GRM7: variants seen among roughly 807,000 people sequenced by gnomAD.
GRM7 encodes the protein glutamate metabotropic receptor 7, also known as metabotropic glutamate receptor 7.
A neutral mutation model predicts 84.5 loss-of-function variants in GRM7; 35 were observed. That is an observed-to-expected ratio of 0.41 (90% CI 0.32 to 0.55). The LOEUF (loss-of-function observed/expected upper bound fraction) is 0.55. GRM7 is among the 20% of genes least tolerant of loss of function. The pLI, the probability that GRM7 is intolerant of heterozygous loss-of-function variation, is 0.19. For synonymous variants in GRM7, 487 were observed against 455.1 expected, an observed-to-expected ratio of 1.07 and a Z score of -0.89; for missense variants, 1,003 against 1,194.6, an observed-to-expected ratio of 0.84 and a Z score of 2.36.
At chr3:7,686,588 A>G (rs1559487329) in intron 9 of GRM7, 1 of 594,478 alleles carries the variant, frequency 1.7e-6, no homozygotes, top group Non-Finnish European at 3.1e-6. Flanking sequence ...GATCGATTTG[A>G]TAAGCTTAGT....
At chr3:7,704,627 C>T (rs1701327964) in intron 9 of GRM7, among the ~76,000 whole-genome samples, 2 of 152,160 alleles carry the variant, frequency 1.3e-5, no homozygotes, top group South Asian at 4.1e-4. Context: ...GCACTGTTGT[C>T]ATGCAGCTAG....
intron 2 of GRM7, among the ~76,000 whole-genome samples, chr3:7,167,183 T>G (rs1443512674): frequency 1.3e-5 from 2 of 152,208 alleles, no homozygotes; most frequent in Non-Finnish European, 1.5e-5. Flanking sequence ...CTGTGGCAGC[T>G]TCTCTTGTTT....
At chr3:7,701,298 ATTTTTTTTT>A (rs35986412) in intron 9 of GRM7, among the ~76,000 whole-genome samples, 1 of 120,482 alleles carries the variant, frequency 8.3e-6, no homozygotes, top group African/African-American at 3.2e-5. Flanking sequence ...CTGTGGTTGC[ATTTTTTTTT>A]TTTTTTTTTT....
intron 2 of GRM7, among the ~76,000 whole-genome samples, chr3:7,295,025 A>G (rs1184149262): frequency 6.6e-6 from 1 of 152,202 alleles, no homozygotes; most frequent in East Asian, 1.9e-4. Flanking sequence ...AATCCAATTT[A>G]TCACGTTTTT....
At position 6,989,089 on chromosome 3, in the gene GRM7, C is replaced by T. The variant is rs973658694; in HGVS notation, c.519+127182C>T. On this transcript the variant is annotated intron_variant, in intron 1 of 9. Coordinates refer to ENST00000357716, the MANE Select transcript of GRM7 (RefSeq NM_000844.4). ...AGCTCTTTAAATGGCCAATGGTGAG[C>T]AGGATATATCACATTTCTGAAAGCA... 7.3e-4 allele frequency among the ~76,000 whole-genome samples: 111 copies of T among 152,162 alleles called. 1 individual carries two copies. Among genetic ancestry groups the T allele is most frequent in the Non-Finnish European group, 2.5e-4 (17 of 68,014 alleles).
rs187152153 is a variant in GRM7, at chr3:7,045,794, G to A, written c.520-100658G>A. 2.3e-4 allele frequency among the ~76,000 whole-genome samples: 35 copies of A among 152,144 alleles called. 1 individual carries two copies. Among genetic ancestry groups the A allele is most frequent in the Non-Finnish European group, 3.8e-4 (26 of 67,988 alleles). ...TTATTCATCTGTCAGTGGACATTTA[G>A]GTTGTTTCTATATTTTGGTTACTAT... On this transcript the variant is annotated intron_variant, in intron 1 of 9. Coordinates refer to ENST00000357716, the MANE Select transcript of GRM7 (RefSeq NM_000844.4).
chr3:7,620,858 T>G (rs1364530618), intron 8 of GRM7, among the ~76,000 whole-genome samples: 5 of 151,850 alleles, frequency 3.3e-5, no homozygotes, highest in African/African-American at 1.2e-4. Context: ...TACCTCTTTT[T>G]TCCAGTGATG....
chr3:6,894,699 G>C (rs1281347127), intron 1 of GRM7, among the ~76,000 whole-genome samples: 1 of 152,022 alleles, frequency 6.6e-6, no homozygotes. Flanking sequence ...ATGTAAACTG[G>C]GTAGGCTTCC....
At chr3:7,382,631 A>G (rs1048752702) in intron 4 of GRM7, among the ~76,000 whole-genome samples, 6 of 152,256 alleles carry the variant, frequency 3.9e-5, no homozygotes, top group African/African-American at 1.2e-4. Context: ...CTTGTTGAAT[A>G]AAAAGGGAAA....
chr3:7,603,889 A>G (rs558137506), intron 8 of GRM7, among the ~76,000 whole-genome samples: 2 of 152,334 alleles, frequency 1.3e-5, no homozygotes, highest in East Asian at 3.9e-4. Flanking sequence ...TAAAAGCAGC[A>G]CACATTTGTA....
chr3:7,680,353 T>C, intron 9 of GRM7, 58 bp downstream of exon 9: 1 of 1,572,792 alleles, frequency 6.4e-7, no homozygotes, highest in Non-Finnish European at 8.7e-7. Context: ...CTCTAGAAGA[T>C]GTGGGGTGTG....
At chr3:7,202,250 G>A (rs1303390840) in intron 2 of GRM7, among the ~76,000 whole-genome samples, 1 of 152,158 alleles carries the variant, frequency 6.6e-6, no homozygotes, top group East Asian at 1.9e-4. Context: ...TTTAGGTAAA[G>A]TTTCAAGCAG....
intron 8 of GRM7, among the ~76,000 whole-genome samples, chr3:7,671,936 T>C (rs2125132964): frequency 6.6e-6 from 1 of 152,200 alleles, no homozygotes; most frequent in Admixed American, 6.5e-5. Context: ...GAATCTTGAT[T>C]TTATCATTTG....
At chr3:7,597,819 A>C (rs1696122604) in intron 8 of GRM7, among the ~76,000 whole-genome samples, 1 of 152,190 alleles carries the variant, frequency 6.6e-6, no homozygotes, top group South Asian at 2.1e-4. Context: ...CCAAGAATGC[A>C]AGAAGGCTTG....
At position 7,673,832 on chromosome 3, in the gene GRM7, ACATGTT is replaced by A. The variant is rs759332790; in HGVS notation, c.2452-6216_2452-6211del. Among the ~76,000 whole-genome samples the A allele has an allele frequency of 1.2e-3, 177 of 152,334 alleles. 5 individuals carry two copies. Among genetic ancestry groups the A allele is most frequent in the Middle Eastern group, 0.01 (3 of 294 alleles). ...CCTAGTGTTTCTTGCAGAAGAAATC[ACATGTT>A]TACAAACATGAACTTTGTGGTATAC... On this transcript the variant is annotated intron_variant, in intron 8 of 9. Coordinates refer to ENST00000357716, the MANE Select transcript of GRM7 (RefSeq NM_000844.4).
At chr3:6,930,964 T>A (rs1006257515) in intron 1 of GRM7, among the ~76,000 whole-genome samples, 1 of 152,210 alleles carries the variant, frequency 6.6e-6, no homozygotes, top group Non-Finnish European at 1.5e-5. Flanking sequence ...TGCCTCCAGT[T>A]ACTGGGATGC....
intron 4 of GRM7, among the ~76,000 whole-genome samples, chr3:7,349,344 G>C (rs1296546945): frequency 4.6e-5 from 7 of 152,050 alleles, no homozygotes; most frequent in Non-Finnish European, 8.8e-5. Context: ...TTTTCTATTA[G>C]CATAAAGTGG....
Position 7,741,069 on chromosome 3 carries a change from A to G in GRM7, c.*663A>G, listed in dbSNP as rs1344287748. 2 of 152,408 alleles carry G rather than the reference A, an allele frequency of 1.3e-5. No homozygotes were observed. Among genetic ancestry groups the G allele is most frequent in the African/African-American group, 4.8e-5 (2 of 41,362 alleles). 9.4% of individuals were successfully genotyped at this position (152,408 alleles called of 1,614,324 possible). A position where few individuals can be genotyped will look rare whatever the true frequency, so the allele number is the denominator to read the frequency against. On this transcript the variant is annotated 3_prime_UTR_variant, in exon 10 of 10. Coordinates refer to ENST00000357716, the MANE Select transcript of GRM7 (RefSeq NM_000844.4). ...AAACTGTGCTGAGAAAGTATGCCCCACCTATCTTTGGTATATGATAGGTTA... is the reference window on the plus strand; with the variant it reads ...AAACTGTGCTGAGAAAGTATGCCCCGCCTATCTTTGGTATATGATAGGTTA...
chr3:7,437,661 T>C (rs1235740973), intron 5 of GRM7, among the ~76,000 whole-genome samples: 2 of 152,184 alleles, frequency 1.3e-5, no homozygotes, highest in African/African-American at 4.8e-5. Flanking sequence ...TATAGCTGAT[T>C]CACGTCTGCC....
Sources: allele counts gnomAD v4.1 joint callset (sites outside exome capture counted in the v4.1 genomes callset), GRCh38; gene constraint gnomAD v4.1.1; transcripts MANE v1.5; gene names NCBI Gene and HGNC (gene_info 2026-07-23, HGNC 2026-07-21).